The following PSD3 variants were observed in gnomAD, a reference collection of about 807,000 sequenced individuals.
PSD3 encodes the protein pleckstrin and Sec7 domain containing 3, also known as PH and SEC7 domain-containing protein 3.
A neutral mutation model predicts 105.5 loss-of-function variants in PSD3; 49 were observed. The observed-to-expected ratio is 0.46, with a 90% CI of 0.37 to 0.59. The LOEUF (loss-of-function observed/expected upper bound fraction) is 0.59, where lower values mean the gene tolerates loss of function less well. Among genes scored for constraint, PSD3 ranks in the 20% least tolerant of loss-of-function variants. The probability of loss-of-function intolerance (pLI) is 0.00; values close to 1 mark genes in which losing one functional copy is unlikely to be tolerated. For missense variants in PSD3, 1,561 were observed against 1,263.8 expected (o/e 1.24, Z -3.57); for synonymous variants, 557 against 457.8 (o/e 1.22, Z -2.77).
At chr8:18,955,003 G>A (rs1411116373) in intron 1 of PSD3, among the ~76,000 whole-genome samples, 1 of 152,202 alleles carries the variant, frequency 6.6e-6, no homozygotes, top group Admixed American at 6.5e-5. Flanking sequence ...CAAATAAGCA[G>A]AGTACACAAT....
intron 1 of PSD3, among the ~76,000 whole-genome samples, chr8:18,980,115 A>C (rs767623996): frequency 1.3e-5 from 2 of 152,252 alleles, no homozygotes; most frequent in African/African-American, 4.8e-5. Context: ...ATGTACACAC[A>C]TGATAAATGC....
chr8:18,901,037 G>A (rs1047462889), intron 2 of PSD3, among the ~76,000 whole-genome samples: 1 of 152,086 alleles, frequency 6.6e-6, no homozygotes, highest in African/African-American at 2.4e-5. Context: ...ATGGCACCAT[G>A]TACAGTCTGG....
At chr8:18,778,514 G>T (rs1456382550) in intron 8 of PSD3, among the ~76,000 whole-genome samples, 2 of 152,084 alleles carry the variant, frequency 1.3e-5, no homozygotes, top group Non-Finnish European at 2.9e-5. Flanking sequence ...TGGTGAAGGT[G>T]AGCATCCTTA....
At chr8:18,739,663 C>T (rs1158894847) in intron 9 of PSD3, among the ~76,000 whole-genome samples, 2 of 152,154 alleles carry the variant, frequency 1.3e-5, no homozygotes, top group African/African-American at 4.8e-5. Context: ...AAATAAACCA[C>T]ATTTTTTAAT....
At chr8:18,604,589 G>T (rs1302172214) in intron 11 of PSD3, among the ~76,000 whole-genome samples, 3 of 152,118 alleles carry the variant, frequency 2.0e-5, no homozygotes, top group Admixed American at 1.3e-4. Context: ...ACAGACTGCA[G>T]AAATTTGCAT....
intron 9 of PSD3, among the ~76,000 whole-genome samples, chr8:18,764,640 T>C (rs1311269137): frequency 2.0e-5 from 3 of 152,222 alleles, no homozygotes; most frequent in Admixed American, 6.5e-5. Flanking sequence ...AACATTTCCA[T>C]ATCATATCAT....
chr8:18,908,795 T>C (rs6997878), intron 2 of PSD3, among the ~76,000 whole-genome samples: 6,986 of 152,280 alleles, frequency 0.046, 200 homozygotes, highest in Admixed American at 0.08. Context: ...CAATATTGGG[T>C]ACACAGCAAA....
At chr8:18,857,260 C>G (rs1377617795) in intron 4 of PSD3, among the ~76,000 whole-genome samples, 4 of 152,232 alleles carry the variant, frequency 2.6e-5, no homozygotes, top group African/African-American at 9.6e-5. Flanking sequence ...GTAAACGCCT[C>G]TCAAAAGCAG....
At chr8:18,599,402 C>T (rs776762135) in intron 12 of PSD3, among the ~76,000 whole-genome samples, 6 of 152,136 alleles carry the variant, frequency 3.9e-5, no homozygotes, top group Non-Finnish European at 8.8e-5. Context: ...GGTATTTATC[C>T]ACAAGAAATG....
intron 11 of PSD3, among the ~76,000 whole-genome samples, chr8:18,602,828 T>TCC (rs1475950364): frequency 6.6e-6 from 1 of 152,108 alleles, no homozygotes; most frequent in Non-Finnish European, 1.5e-5. Flanking sequence ...GTGAGGCTCT[T>TCC]CAAGCAAAAC....
chr8:18,864,983 C>CTCTA (rs1199814394), intron 4 of PSD3: 2 of 151,798 alleles, frequency 1.3e-5, no homozygotes, highest in Non-Finnish European at 2.9e-5. Context: ...CAACAAGCAG[C>CTCTA]TCTACATTTA....
intron 8 of PSD3, among the ~76,000 whole-genome samples, chr8:18,789,687 C>T (rs1352233179): frequency 6.6e-6 from 1 of 152,124 alleles, no homozygotes; most frequent in Non-Finnish European, 1.5e-5. Context: ...TGTCAAATTA[C>T]AAGGACTAAC....
intron 1 of PSD3, among the ~76,000 whole-genome samples, chr8:19,080,592 C>T (rs545787410): frequency 6.1e-4 from 93 of 152,292 alleles, no homozygotes; most frequent in Non-Finnish European, 9.8e-4. Context: ...CAGTGCCTGT[C>T]TCCCTCTCAC....
At chr8:19,056,171 A>G (rs1828703880) in intron 1 of PSD3, among the ~76,000 whole-genome samples, 1 of 152,250 alleles carries the variant, frequency 6.6e-6, no homozygotes, top group South Asian at 2.1e-4. Context: ...TCGTTTTCAA[A>G]TACAGGCAGA....
In PSD3 at chr8:19,032,275, CAT is replaced by C. The variant is rs199857431; in HGVS notation, c.324+51929_324+51930del. Among the ~76,000 whole-genome samples, 37 of 152,170 alleles carry C rather than the reference CAT, an allele frequency of 2.4e-4. No homozygotes were observed. In the South Asian group the frequency reaches 5.8e-3, roughly 24 times the overall value. On this transcript the variant is annotated intron_variant, in intron 1 of 1. Coordinates refer to the PSD3 transcript ENST00000521475. Reference sequence around the variant, plus strand: ...CACTACCCCCCAACAAACACACACACATGGTAAGTGAGATGTGGTTTATCTGC... The same window carrying C: ...CACTACCCCCCAACAAACACACACACGGTAAGTGAGATGTGGTTTATCTGC...
intron 1 of PSD3, among the ~76,000 whole-genome samples, chr8:19,004,960 C>T (rs1277028229): frequency 6.6e-6 from 1 of 152,040 alleles, no homozygotes; most frequent in African/African-American, 2.4e-5. Flanking sequence ...AACTGTAATT[C>T]CATTAAACCT....
chr8:18,942,399 C>T (rs968869873), intron 1 of PSD3, among the ~76,000 whole-genome samples: 1 of 152,154 alleles, frequency 6.6e-6, no homozygotes, highest in South Asian at 2.1e-4. Flanking sequence ...CAGGGAGCCA[C>T]GCACAACTTA....
intron 2 of PSD3, among the ~76,000 whole-genome samples, chr8:18,929,185 A>C (rs541663453): frequency 6.8e-4 from 104 of 152,270 alleles, no homozygotes; most frequent in African/African-American, 2.4e-3. Context: ...AGATTTGTTT[A>C]ATCTTCTCTA....
chr8:18,990,239 T>A (rs761441122), intron 1 of PSD3, among the ~76,000 whole-genome samples: 19 of 152,244 alleles, frequency 1.2e-4, no homozygotes, highest in Middle Eastern at 3.2e-3. Context: ...ACCTCTTCAG[T>A]GACCTTCCAT....
Sources: gnomAD v4.1 joint callset for allele counts (sites outside exome capture counted in the v4.1 genomes callset) on GRCh38, gnomAD v4.1.1 for gene constraint, MANE v1.5 for transcripts, NCBI Gene and HGNC (gene_info 2026-07-23, HGNC 2026-07-21) for gene names.